EFEMP1: variants seen among roughly 807,000 people sequenced by gnomAD.
EFEMP1 encodes EGF-containing fibulin-like extracellular matrix protein 1.
In EFEMP1, 18 loss-of-function variants were observed where a neutral mutation model predicts 65.7. The ratio of observed to expected loss-of-function variants is 0.27; its 90% CI spans 0.19 to 0.41. The LOEUF (loss-of-function observed/expected upper bound fraction) is 0.41. Ranked by LOEUF, EFEMP1 falls within the 10% of genes least tolerant of loss-of-function variation. EFEMP1 has a pLI of 1.00. For missense variants in EFEMP1, 469 were observed against 624.8 expected (o/e 0.75, Z 2.66); for synonymous variants, 237 against 219.7 (o/e 1.08, Z -0.70).
rs1300699076 is a variant in EFEMP1 at position 55,922,443 on chromosome 2, T to C, written c.-3A>G. On this transcript the variant is annotated 5_prime_UTR_variant, in exon 3 of 12. Coordinates refer to ENST00000355426, the MANE Select transcript of EFEMP1 (RefSeq NM_001039348.3). This position sits in a 1 kb window ranked among gnomAD's most constrained non-coding sequence, Gnocchi z 5.5. The stretch of plus-strand genomic sequence containing the variant: ...GTTAGGAAAAGGGCTTTCAACATTG[T>C]GAATCTCAAAGAAAATACAGGACAA... The C allele has an allele frequency of 6.2e-7, 1 of 1,613,430 alleles. No individual in the cohort carries two copies. Among genetic ancestry groups the C allele is most frequent in the East Asian group, 2.2e-5 (1 of 44,862 alleles).
intron 5 of EFEMP1, among the ~76,000 whole-genome samples, chr2:55,910,225 A>G (rs1316672412): frequency 6.6e-6 from 1 of 152,176 alleles, no homozygotes; most frequent in Admixed American, 6.5e-5. Flanking sequence ...AATGTTTACA[A>G]ATCATTTCAG....
intron 5 of EFEMP1, among the ~76,000 whole-genome samples, chr2:55,896,504 C>T (rs1411328429): frequency 6.6e-6 from 1 of 152,156 alleles, no homozygotes; most frequent in Admixed American, 6.5e-5. Flanking sequence ...ACTTCTGTAG[C>T]TTTTCCTTGA....
chr2:55,881,731 A>G lies in EFEMP1; in HGVS notation c.521T>C (p.Ile174Thr). ...EQSEHNVCQD[I>T]DECTAGTHNC... The stretch of plus-strand genomic sequence containing the variant: ...GTGCGTCCCTGCAGTGCACTCGTCT[A>G]TGTCTGTCAGAGACATGCAACACAG... Residue 174 changes from isoleucine (I) to threonine (T), a missense_variant, in exon 6 of 12, where the codon ATA becomes ACA. Transcript: ENST00000355426. The G allele has an allele frequency of 6.2e-7, 1 of 1,613,898 alleles. No individual in the cohort carries two copies. The highest frequency in any genetic ancestry group is 8.5e-7 in the Non-Finnish European group (1 of 1,179,862).
chr2:55,912,810 G>C (rs1303091495), intron 5 of EFEMP1, among the ~76,000 whole-genome samples: 1 of 152,028 alleles, frequency 6.6e-6, no homozygotes, highest in Non-Finnish European at 1.5e-5. Flanking sequence ...AAAATTTATA[G>C]GTGAAACATA....
Position 55,876,623 on chromosome 2 carries a change from C to A in EFEMP1, c.880G>T (p.Asp294Tyr). The change falls in exon 8 of 12, where the codon GAC becomes TAC. Residue 294 changes from aspartate (D) to tyrosine (Y), a missense_variant and splice_region_variant. This residue lies in a region of EFEMP1 where 399 missense variants were observed against 528.2 expected (regional missense o/e 0.76). Coordinates refer to ENST00000355426, the MANE Select transcript of EFEMP1 (RefSeq NM_001039348.3). ...ELSSDRLNCE[D>Y]IDECRTSSYL... The stretch of plus-strand genomic sequence containing the variant: ...CCATACTATCTGGGAAGAGTTTTAC[C>A]TTCACAGTTGAGCCTGTCACTGCTT... 3 of 1,611,964 alleles carry A rather than the reference C, an allele frequency of 1.9e-6. No homozygotes were observed. Among genetic ancestry groups the A allele is most frequent in the Non-Finnish European group, 2.5e-6 (3 of 1,178,662 alleles).
chr2:55,922,653 G>T lies in EFEMP1; in HGVS notation c.-7-206C>A, dbSNP rs1464320790. The T allele has an allele frequency of 5.3e-6, 3 of 570,088 alleles. No homozygotes were observed. Among genetic ancestry groups the T allele is most frequent in the African/African-American group, 1.9e-5 (1 of 52,914 alleles). 35.3% of individuals were successfully genotyped at this position (570,088 alleles called of 1,614,324 possible). ...ACGAGGCAGCAAAGACGTAAAAACT[G>T]CTGTAGAATTGCATTTCACGTTACT... On this transcript the variant is annotated intron_variant, in intron 2 of 11. Transcript: ENST00000355426. This position sits in a 1 kb window ranked among gnomAD's most constrained non-coding sequence, Gnocchi z 5.5.
At chr2:55,893,645 A>C (rs1669713201) in intron 5 of EFEMP1, among the ~76,000 whole-genome samples, 1 of 152,212 alleles carries the variant, frequency 6.6e-6, no homozygotes, top group Non-Finnish European at 1.5e-5. Context: ...TACCTGGTCC[A>C]CAGTAAGTGC....
At position 55,922,534 on chromosome 2, in the gene EFEMP1, G is replaced by T; in HGVS notation, c.-7-87C>A. ...TTAGCAGTGAGCACAAGCGAGGAAA[G>T]GAGGGTGGGAGAGGCTGAGGCTCCA... is the stretch of plus-strand genomic sequence containing the variant. On this transcript the variant is annotated intron_variant, in intron 2 of 11. Transcript: ENST00000355426. The surrounding 1 kb of genome is among the most constrained non-coding windows in gnomAD (Gnocchi z 5.5). 1 of 1,217,268 alleles carries T rather than the reference G, an allele frequency of 8.2e-7. No homozygotes were observed. The highest frequency in any genetic ancestry group is 1.2e-6 in the Non-Finnish European group (1 of 830,332). The allele number at this position is 1,217,268 out of a possible 1,614,324, so 75.4% of individuals were successfully genotyped here.
intron 5 of EFEMP1, among the ~76,000 whole-genome samples, chr2:55,907,703 G>C (rs1457828093): frequency 6.6e-6 from 1 of 152,206 alleles, no homozygotes; most frequent in African/African-American, 2.4e-5. Flanking sequence ...GGTTGTGACA[G>C]ACTTGGTCTG....
chr2:55,889,831 A>T (rs1270195089), intron 5 of EFEMP1, among the ~76,000 whole-genome samples: 1 of 151,820 alleles, frequency 6.6e-6, no homozygotes, highest in Non-Finnish European at 1.5e-5. Flanking sequence ...TGGTAAAAAA[A>T]AAAAATAAAA....
intron 5 of EFEMP1, among the ~76,000 whole-genome samples, chr2:55,913,597 C>A (rs1277596570): frequency 1.6e-5 from 2 of 128,402 alleles, no homozygotes; most frequent in Admixed American, 7.1e-5. Flanking sequence ...TGTCAGTTCC[C>A]AAATGACTTT....
chr2:55,901,068 C>T (rs1670012598), intron 5 of EFEMP1, among the ~76,000 whole-genome samples: 1 of 152,104 alleles, frequency 6.6e-6, no homozygotes. Flanking sequence ...CATATTTAAA[C>T]ATAAAGGTGA....
chr2:55,902,803 G>A (rs933282191), intron 5 of EFEMP1, among the ~76,000 whole-genome samples: 16 of 151,984 alleles, frequency 1.1e-4, no homozygotes, highest in African/African-American at 3.9e-4. Context: ...GACTTGCCTC[G>A]GTATGTTTTC....
chr2:55,915,989 G>A (rs1167953257), intron 5 of EFEMP1, among the ~76,000 whole-genome samples: 5 of 152,034 alleles, frequency 3.3e-5, no homozygotes, highest in East Asian at 1.9e-4. Context: ...ATGCTAATAC[G>A]ATGCACCCTC....
At chr2:55,910,603 C>T (rs184417668) in intron 5 of EFEMP1, among the ~76,000 whole-genome samples, 5 of 151,626 alleles carry the variant, frequency 3.3e-5, no homozygotes, top group African/African-American at 1.2e-4. Context: ...AGTGCACTTT[C>T]CTGAAGTTAC....
intron 5 of EFEMP1, among the ~76,000 whole-genome samples, chr2:55,902,887 T>A (rs895340080): frequency 6.6e-6 from 1 of 152,186 alleles, no homozygotes; most frequent in Non-Finnish European, 1.5e-5. Flanking sequence ...CATATATCAA[T>A]CAAGAACCAT....
chr2:55,894,762 G>GT (rs3838526), intron 5 of EFEMP1, among the ~76,000 whole-genome samples: 10,520 of 152,126 alleles, frequency 0.069, 794 homozygotes, highest in African/African-American at 0.18. Flanking sequence ...ATGTACATAC[G>GT]TGACTGTTTC....
chr2:55,881,318 C>T (rs954166131), intron 6 of EFEMP1, among the ~76,000 whole-genome samples: 1 of 152,162 alleles, frequency 6.6e-6, no homozygotes, highest in African/African-American at 2.4e-5. Flanking sequence ...AGCGCGATGG[C>T]CCCCAAAACA....
At chr2:55,920,828 C>T (rs545516540) in intron 3 of EFEMP1, among the ~76,000 whole-genome samples, 1 of 152,316 alleles carries the variant, frequency 6.6e-6, no homozygotes, top group East Asian at 1.9e-4. Context: ...CGTGTCTCCA[C>T]AGCGGGATAC....
Sources: allele counts gnomAD v4.1 joint callset (sites outside exome capture counted in the v4.1 genomes callset), GRCh38; gene constraint gnomAD v4.1.1; regional missense constraint gnomAD v4.1.1; non-coding constraint Gnocchi (gnomAD v3.1); transcripts MANE v1.5; gene names NCBI Gene and HGNC (gene_info 2026-07-23, HGNC 2026-07-21).